Variants in CEP63 observed in about 807,000 individuals in gnomAD.
CEP63 encodes centrosomal protein 63, also known as centrosomal protein of 63 kDa.
CEP63 carries 84 observed loss-of-function variants against 89.1 expected under a neutral mutation model. The ratio of observed to expected loss-of-function variants is 0.94; its 90% CI spans 0.79 to 1.13. The LOEUF (loss-of-function observed/expected upper bound fraction) is 1.13. Among genes scored for constraint, CEP63 ranks in the 50% most tolerant of loss-of-function variants. CEP63 has a pLI of 0.00. For missense variants in CEP63, 838 were observed against 813.3 expected (o/e 1.03, Z -0.37); for synonymous variants, 267 against 272.5 (o/e 0.98, Z 0.20).
At chr3:134,594,334 A>G in the CEP63 span, among the ~76,000 whole-genome samples, 1 of 152,106 alleles carries the variant, frequency 6.6e-6, no homozygotes, top group African/African-American at 2.4e-5. Flanking sequence ...GCCTCTCCAT[A>G]GCTGCCCCTG....
At chr3:134,656,682 C>T in the CEP63 span, among the ~76,000 whole-genome samples, 3 of 152,172 alleles carry the variant, frequency 2.0e-5, no homozygotes, top group South Asian at 6.2e-4. Flanking sequence ...GGGCAGAGTG[C>T]CTGGGTGAAG....
chr3:134,688,039 T>G, the CEP63 span, among the ~76,000 whole-genome samples: 1 of 152,248 alleles, frequency 6.6e-6, no homozygotes, highest in African/African-American at 2.4e-5. Flanking sequence ...ATTTACCATA[T>G]GATATAGAAA....
the CEP63 span, among the ~76,000 whole-genome samples, chr3:134,600,083 A>G: frequency 1.3e-5 from 2 of 152,238 alleles, no homozygotes; most frequent in Admixed American, 6.5e-5. Flanking sequence ...AAAAGAAATT[A>G]TAGACCTAAG....
the CEP63 span, among the ~76,000 whole-genome samples, chr3:134,702,406 G>A: frequency 0.016 from 2,422 of 149,520 alleles, 55 homozygotes; most frequent in African/African-American, 0.055. Context: ...AAAACAGCCC[G>A]AATAGCCAAG....
the CEP63 span, among the ~76,000 whole-genome samples, chr3:134,731,546 A>ATAGTAAGGGAG: frequency 3.9e-5 from 6 of 152,214 alleles, no homozygotes; most frequent in Admixed American, 6.5e-5. Context: ...GACTTTTAAA[A>ATAGTAAGGGAG]TACTTAGAGT....
the CEP63 span, among the ~76,000 whole-genome samples, chr3:134,706,235 T>G: frequency 6.6e-6 from 1 of 152,226 alleles, no homozygotes; most frequent in African/African-American, 2.4e-5. Flanking sequence ...TATTGACTGT[T>G]TTCTCAGGAA....
At chr3:134,661,570 A>G in the CEP63 span, among the ~76,000 whole-genome samples, 8 of 152,170 alleles carry the variant, frequency 5.3e-5, no homozygotes, top group Non-Finnish European at 1.2e-4. Flanking sequence ...GAGGGTCCCA[A>G]GAGAAGAAAC....
chr3:134,713,111 C>G, the CEP63 span, among the ~76,000 whole-genome samples: 1 of 152,178 alleles, frequency 6.6e-6, no homozygotes, highest in Non-Finnish European at 1.5e-5. Context: ...TTGTTTTTCC[C>G]TCTTTTGGGC....
At position 134,550,179 on chromosome 3, in the gene CEP63, C is replaced by T. The variant is rs768031910; in HGVS notation, c.1299C>T (p.Ser433=). Residue 433 remains serine (S), a synonymous_variant, in exon 11 of 15, where the codon TCC becomes TCT. Transcript: ENST00000675561. The part of the protein sequence containing the change: ...ELHQRDITIA[S]TKGSSSDMEK... ...ATCAGCGAGATATCACTATTGCTTC[C>T]ACCAAAGGTTCTTCCTCAGACATGG... The T allele has an allele frequency of 1.7e-5, 27 of 1,613,910 alleles. No homozygotes were observed. The highest frequency in any genetic ancestry group is 2.2e-5 in the Non-Finnish European group (26 of 1,179,952).
chr3:134,753,674 G>C, the CEP63 span, among the ~76,000 whole-genome samples: 3 of 152,216 alleles, frequency 2.0e-5, no homozygotes, highest in African/African-American at 7.2e-5. Flanking sequence ...CAGGCTGGGA[G>C]TTTGCAGGTA....
chr3:134,632,138 A>G, the CEP63 span, among the ~76,000 whole-genome samples: 1 of 152,120 alleles, frequency 6.6e-6, no homozygotes, highest in Non-Finnish European at 1.5e-5. Context: ...ATAGGACTAA[A>G]AGGAGGAATA....
intron 3 of CEP63, among the ~76,000 whole-genome samples, chr3:134,531,366 C>T (rs1285290508): frequency 6.6e-6 from 1 of 151,994 alleles, no homozygotes; most frequent in Non-Finnish European, 1.5e-5. Flanking sequence ...AGGTGGATCA[C>T]GAGGTCAGGA....
chr3:134,780,001 T>C, the CEP63 span: 2 of 152,252 alleles, frequency 1.3e-5, no homozygotes, highest in East Asian at 1.9e-4. Flanking sequence ...GCCATACTCC[T>C]ATCCAAAACC....
chr3:134,496,441 G>GC (rs1491338740), intron 2 of CEP63, among the ~76,000 whole-genome samples: 3 of 138,836 alleles, frequency 2.2e-5, no homozygotes, highest in South Asian at 2.4e-4. Context: ...AGGGGGGGGG[G>GC]GCTAAAGAAC....
chr3:134,629,624 T>C, the CEP63 span: 1 of 1,598,022 alleles, frequency 6.3e-7, no homozygotes, highest in Non-Finnish European at 8.5e-7. Context: ...TACATACGTT[T>C]AGCCAAGGAG....
At chr3:134,503,760 C>G (rs1342467063) in intron 2 of CEP63, among the ~76,000 whole-genome samples, 3 of 151,904 alleles carry the variant, frequency 2.0e-5, no homozygotes, top group East Asian at 1.9e-4. Context: ...ATATAATGAC[C>G]TTCTTTGTCA....
intron 1 of CEP63, among the ~76,000 whole-genome samples, chr3:134,492,212 T>C (rs1327861784): frequency 2.6e-5 from 4 of 151,208 alleles, no homozygotes; most frequent in African/African-American, 4.9e-5. Context: ...TAGCTGGGAC[T>C]ACAGGCGCGC....
At chr3:134,743,751 A>G in the CEP63 span, among the ~76,000 whole-genome samples, 7 of 152,120 alleles carry the variant, frequency 4.6e-5, no homozygotes, top group Non-Finnish European at 5.9e-5. Context: ...ATAGGGACCT[A>G]GCTATGTCTT....
chr3:134,581,519 GC>G (rs80224231), intron 10 of CEP63, among the ~76,000 whole-genome samples: 151,561 of 151,562 alleles, frequency 1, 75,780 homozygotes, highest in Non-Finnish European at 1. Flanking sequence ...GGCGGAGGTT[GC>G]CAGTGAGCCG....
Sources: allele counts gnomAD v4.1 joint callset (sites outside exome capture counted in the v4.1 genomes callset), GRCh38; gene constraint gnomAD v4.1.1; transcripts MANE v1.5; gene names NCBI Gene and HGNC (gene_info 2026-07-23, HGNC 2026-07-21).